Variants in CSMD1 observed in about 807,000 individuals in gnomAD.
The protein encoded by CSMD1 is CUB and Sushi multiple domains 1.
In CSMD1, 213 loss-of-function variants were observed where a neutral mutation model predicts 417.5. That is an observed-to-expected ratio of 0.51 (90% CI 0.46 to 0.57). The LOEUF is 0.57. CSMD1 is among the 20% of genes least tolerant of loss of function. The pLI is 0.00. For synonymous variants in CSMD1, 2,862 were observed against 1,736.8 expected, an observed-to-expected ratio of 1.65 and a Z score of -16.11; for missense variants, 6,923 against 4,529.7, an observed-to-expected ratio of 1.53 and a Z score of -15.17.
chr8:4,815,052 G>C (rs998072360), intron 1 of CSMD1, among the ~76,000 whole-genome samples: 1 of 152,012 alleles, frequency 6.6e-6, no homozygotes, highest in Non-Finnish European at 1.5e-5. Context: ...ATTATGACTT[G>C]ACTGGAGGAA....
chr8:4,263,358 A>C (rs1804017072), intron 3 of CSMD1, among the ~76,000 whole-genome samples: 1 of 152,150 alleles, frequency 6.6e-6, no homozygotes, highest in Non-Finnish European at 1.5e-5. Flanking sequence ...TGGTGAACAA[A>C]CTGCAACAGA....
rs1462660193 is a variant in CSMD1, at chr8:4,948,496, A to G, written c.85+45836T>C. ...ATGTCTGCATTTATTTAGATTGCAT[A>G]ATGACCTTCATTAAAGTTTCATAAT... On this transcript the variant is annotated intron_variant, in intron 1 of 69. Transcript: ENST00000635120. Among the ~76,000 whole-genome samples the G allele has an allele frequency of 2.0e-5, 3 of 152,140 alleles. No homozygotes were observed. The East Asian group carries it at 5.8e-4, about 29-fold the overall frequency.
intron 2 of CSMD1, among the ~76,000 whole-genome samples, chr8:4,557,883 G>T (rs1798166961): frequency 6.6e-6 from 1 of 152,154 alleles, no homozygotes; most frequent in Admixed American, 6.5e-5. Flanking sequence ...GAGTCGGACA[G>T]TGTAAAGATG....
At chr8:4,588,932 C>G (rs754781644) in intron 2 of CSMD1, among the ~76,000 whole-genome samples, 1 of 152,050 alleles carries the variant, frequency 6.6e-6, no homozygotes, top group Non-Finnish European at 1.5e-5. Context: ...TATACATACA[C>G]ATATACATTG....
intron 7 of CSMD1, among the ~76,000 whole-genome samples, chr8:3,658,947 T>C (rs2117437654): frequency 6.6e-6 from 1 of 152,324 alleles, no homozygotes; most frequent in East Asian, 1.9e-4. Context: ...ATATTTAAAA[T>C]ATAACTTTCA....
chr8:3,516,331 G>C (rs1797281151), intron 10 of CSMD1, among the ~76,000 whole-genome samples: 3 of 152,194 alleles, frequency 2.0e-5, no homozygotes, highest in African/African-American at 2.4e-5. Context: ...CAACATAGCA[G>C]ATGAATAGAC....
chr8:4,761,762 T>TA (rs1812084601), intron 1 of CSMD1, among the ~76,000 whole-genome samples: 1 of 152,160 alleles, frequency 6.6e-6, no homozygotes, highest in Admixed American at 6.6e-5. Context: ...ACTGAGCATG[T>TA]AACTTGTTTT....
At chr8:4,143,165 T>C (rs925740327) in intron 3 of CSMD1, among the ~76,000 whole-genome samples, 1 of 151,054 alleles carries the variant, frequency 6.6e-6, no homozygotes, top group African/African-American at 2.5e-5. Flanking sequence ...CTAGCAAATG[T>C]GAGTGTTCAA....
At chr8:3,877,482 T>G (rs79206602) in intron 5 of CSMD1, among the ~76,000 whole-genome samples, 1 of 152,268 alleles carries the variant, frequency 6.6e-6, no homozygotes, top group African/African-American at 2.4e-5. Context: ...TCAATTTGCT[T>G]CTAAGACGAG....
chr8:4,747,972 C>T (rs1048304684), intron 1 of CSMD1, among the ~76,000 whole-genome samples: 9 of 152,242 alleles, frequency 5.9e-5, no homozygotes, highest in African/African-American at 1.9e-4. Context: ...CTTACCACAC[C>T]GTATATTGGC....
chr8:3,536,801 T>C (rs545373435), intron 10 of CSMD1, among the ~76,000 whole-genome samples: 135 of 152,286 alleles, frequency 8.9e-4, no homozygotes, highest in Admixed American at 1.6e-3. Flanking sequence ...GCACCGGGAA[T>C]GCTGTTAGGT....
intron 41 of CSMD1, among the ~76,000 whole-genome samples, chr8:3,133,467 G>C (rs977852747): frequency 1.3e-5 from 2 of 152,202 alleles, no homozygotes; most frequent in South Asian, 2.1e-4. Context: ...CTCAGGGGAA[G>C]AGAGGCGCCC....
In CSMD1 at chr8:4,765,095, G is replaced by C. The variant is rs1045190733; in HGVS notation, c.86-127537C>G. 2.7e-4 allele frequency among the ~76,000 whole-genome samples: 41 copies of C among 152,160 alleles called. No individual in the cohort carries two copies. The East Asian group carries it at 7.0e-3, about 26-fold the overall frequency. ...TGAGGAACAGGTATGCAACGCATGG[G>C]CTCATTCACTGGGTTCAAATCTTGG... On this transcript the variant is annotated intron_variant, in intron 1 of 69. Transcript: ENST00000635120.
At chr8:4,947,523 T>C (rs1416073669) in intron 1 of CSMD1, among the ~76,000 whole-genome samples, 1 of 152,126 alleles carries the variant, frequency 6.6e-6, no homozygotes, top group East Asian at 1.9e-4. Flanking sequence ...CAATCCCACA[T>C]GTGGTCAGAA....
At chr8:4,332,753 T>C (rs1799947505) in intron 3 of CSMD1, among the ~76,000 whole-genome samples, 1 of 151,914 alleles carries the variant, frequency 6.6e-6, no homozygotes, top group Non-Finnish European at 1.5e-5. Context: ...TAGACACATA[T>C]GTAATGGCAT....
chr8:3,399,660 T>G, intron 15 of CSMD1, 131 bp from the exon 16 acceptor site: 1 of 645,696 alleles, frequency 1.5e-6, no homozygotes, highest in Non-Finnish European at 2.4e-6. Context: ...AAGCAAATCT[T>G]ATTCCCAAGG....
At chr8:4,076,099 T>C (rs1444358459) in intron 3 of CSMD1, among the ~76,000 whole-genome samples, 1 of 152,126 alleles carries the variant, frequency 6.6e-6, no homozygotes, top group Non-Finnish European at 1.5e-5. Flanking sequence ...GCAGTTCCCA[T>C]AATCCCCACG....
At chr8:4,864,076 G>C (rs537884290) in intron 1 of CSMD1, among the ~76,000 whole-genome samples, 13 of 152,010 alleles carry the variant, frequency 8.6e-5, no homozygotes, top group South Asian at 8.3e-4. Context: ...AAGTAAAAAA[G>C]TGTAATTATA....
intron 7 of CSMD1, among the ~76,000 whole-genome samples, chr8:3,617,777 C>A (rs1032486805): frequency 1.3e-5 from 2 of 152,098 alleles, no homozygotes; most frequent in African/African-American, 2.4e-5. Flanking sequence ...TGTCGCAATT[C>A]TGAACATTCT....
Sources: allele counts gnomAD v4.1 joint callset (sites outside exome capture counted in the v4.1 genomes callset), GRCh38; gene constraint gnomAD v4.1.1; transcripts MANE v1.5; gene names NCBI Gene and HGNC (gene_info 2026-07-23, HGNC 2026-07-21).